The following TSPOAP1 variants were observed in gnomAD, a reference collection of about 807,000 sequenced individuals.
The protein encoded by TSPOAP1 is TSPO associated protein 1.
Under a neutral mutation model 197.0 loss-of-function variants are expected in TSPOAP1, and 87 were observed. The ratio of observed to expected loss-of-function variants is 0.44; its 90% CI spans 0.37 to 0.53. TSPOAP1 has a LOEUF of 0.53. TSPOAP1 is among the 20% of genes least tolerant of loss of function. The pLI, the probability that TSPOAP1 is intolerant of heterozygous loss-of-function variation, is 0.00. For missense variants in TSPOAP1, 2,174 were observed against 2,411.3 expected, an observed-to-expected ratio of 0.90 and a Z score of 2.06; for synonymous variants, 913 against 998.9, an observed-to-expected ratio of 0.91 and a Z score of 1.62.
At chr17:58,318,643 A>G (rs1393974652) in intron 13 of TSPOAP1, among the ~76,000 whole-genome samples, 191 bp from the exon 14 acceptor site, 1 of 152,214 alleles carries the variant, frequency 6.6e-6, no homozygotes, top group African/African-American at 2.4e-5. Context: ...CATGATCGTC[A>G]AAACAGCTTG....
At position 58,327,574 on chromosome 17, in the gene TSPOAP1, C is replaced by T; in HGVS notation, c.333+14G>A. On this transcript the variant is annotated intron_variant, in intron 1 of 31. Coordinates refer to ENST00000343736, the MANE Select transcript of TSPOAP1 (RefSeq NM_004758.4). Reference sequence around the variant, plus strand: ...CCCCACCTTGCAGACCCCAGCCCTCCACAGATCCCTTACCTTCAGGAAAGC... The same window carrying T: ...CCCCACCTTGCAGACCCCAGCCCTCTACAGATCCCTTACCTTCAGGAAAGC... 6.2e-7 allele frequency: 1 copy of T among 1,607,326 alleles called. No homozygotes were observed. Among genetic ancestry groups the T allele is most frequent in the East Asian group, 2.2e-5 (1 of 44,730 alleles).
chr17:58,307,204 A>G lies in TSPOAP1; in HGVS notation c.4984-236T>C, dbSNP rs145581704. On this transcript the variant is annotated intron_variant, in intron 24 of 31. Transcript: ENST00000343736. ...GGCCATGCCCTTTGCCCACCCCAGA[A>G]TGGATCTCCTTAGTCTCAGAGCAAT... Among the ~76,000 whole-genome samples, 237 of 152,338 alleles carry G rather than the reference A, an allele frequency of 1.6e-3. 1 individual carries two copies. Among genetic ancestry groups the G allele is most frequent in the African/African-American group, 5.3e-3 (221 of 41,574 alleles).
At chr17:58,321,834 C>T (rs1971413348) in intron 10 of TSPOAP1, among the ~76,000 whole-genome samples, 1 of 152,244 alleles carries the variant, frequency 6.6e-6, no homozygotes, top group South Asian at 2.1e-4. Context: ...CTTCTATCTA[C>T]TCACAGAGCA....
chr17:58,326,709 T>A lies in TSPOAP1; in HGVS notation c.415A>T (p.Ile139Phe). ...ALGELRQRCA[I>F]LKEENQMLRK... The stretch of plus-strand genomic sequence containing the variant: ...AGCATCTGGTTTTCCTCCTTAAGGA[T>A]GGCACAGCGCTGCCGCAGCTCCCCC... Residue 139 changes from isoleucine to phenylalanine, a missense_variant, in exon 2 of 32, where the codon ATC becomes TTC. Ile to Phe is a conservative substitution (Grantham distance 21). Around this residue, in one of 5 missense-constraint regions of TSPOAP1, gnomAD observed 1,933 missense variants for 2,139.0 expected, o/e 0.90. Coordinates refer to ENST00000343736, the MANE Select transcript of TSPOAP1 (RefSeq NM_004758.4). The surrounding 1 kb of genome is among the most constrained non-coding windows in gnomAD (Gnocchi z 4.7). The A allele has an allele frequency of 6.2e-7, 1 of 1,614,088 alleles. No individual in the cohort carries two copies. Among genetic ancestry groups the A allele is most frequent in the Non-Finnish European group, 8.5e-7 (1 of 1,180,008 alleles).
Position 58,310,049 on chromosome 17 carries a change from T to C in TSPOAP1, c.3809A>G (p.Glu1270Gly), listed in dbSNP as rs774281543. ...CCTGGAACCCAGCTCCTCTTCCTCC[T>C]CCTCCTCCTCCTCTTCCTCTTCCTC... ...IQEEEEEEEE[E>G]EEEELGSRTC... The change falls in exon 21 of 32, where the codon GAG (glutamate) becomes GGG (glycine). Residue 1270 changes from glutamate (E) to glycine (G), a missense_variant. This residue lies in a region of TSPOAP1 where 1,933 missense variants were observed against 2,139.0 expected (regional missense o/e 0.90). Coordinates refer to ENST00000343736, the MANE Select transcript of TSPOAP1 (RefSeq NM_004758.4). The C allele has an allele frequency of 1.7e-5, 28 of 1,613,474 alleles. No individual in the cohort carries two copies. In the African/African-American group the frequency reaches 3.3e-4, roughly 19 times the overall value.
At chr17:58,312,819 G>A (rs1567843894) in intron 16 of TSPOAP1, 97 bp from the exon 17 acceptor site, 2 of 868,420 alleles carry the variant, frequency 2.3e-6, no homozygotes, top group East Asian at 2.7e-5. Context: ...ACTGCTAGTG[G>A]GTGATCTTCA....
chr17:58,312,399 C>T lies in TSPOAP1; in HGVS notation c.2422G>A (p.Val808Met), dbSNP rs139375264. The T allele has an allele frequency of 5.3e-5, 86 of 1,612,580 alleles. No individual in the cohort carries two copies. The highest frequency in any genetic ancestry group is 7.0e-5 in the Non-Finnish European group (82 of 1,179,556). The change falls in exon 17 of 32, where the codon GTG (valine) becomes ATG (methionine). Residue 808 changes from valine to methionine, a missense_variant. Val to Met is a conservative substitution (Grantham distance 21, BLOSUM62 1). Coordinates refer to ENST00000343736, the MANE Select transcript of TSPOAP1 (RefSeq NM_004758.4). ...VVLKQLAHSV[V>M]LAWEPPPEQV... The stretch of plus-strand genomic sequence containing the variant: ...TCAGGAGGCGGCTCCCAGGCCAGCA[C>T]CACGCTGTGGGCCAGCTGCTTGAGG...
rs901444013 is a variant in TSPOAP1, at chr17:58,312,693, C to T, written c.2128G>A (p.Val710Ile). The T allele has an allele frequency of 5.6e-6, 9 of 1,613,452 alleles. No homozygotes were observed. In the East Asian group the frequency reaches 1.8e-4, roughly 32 times the overall value. Residue 710 changes from valine to isoleucine, a missense_variant, in exon 17 of 32, where the codon GTC (valine) becomes ATC (isoleucine). Physicochemically the swap from Val to Ile is conservative, Grantham distance 29. Coordinates refer to ENST00000343736, the MANE Select transcript of TSPOAP1 (RefSeq NM_004758.4). ...ACACGCTCTACAAAATTGGAAGGGA[C>T]CAGGCCCCTTCGGCCATCCATGAGC... is the stretch of plus-strand genomic sequence containing the variant. ...GELMDGRRGL[V>I]PSNFVERVSD...
intron 10 of TSPOAP1, among the ~76,000 whole-genome samples, 182 bp from the exon 11 acceptor site, chr17:58,320,763 C>G (rs557932788): frequency 6.6e-6 from 1 of 152,102 alleles, no homozygotes; most frequent in African/African-American, 2.4e-5. Flanking sequence ...GTTTCTCCCT[C>G]CTGAACACCC....
chr17:58,320,441 C>T (rs542160077), intron 11 of TSPOAP1, 90 bp downstream of exon 11: 19 of 1,380,610 alleles, frequency 1.4e-5, no homozygotes, highest in South Asian at 3.0e-5. Context: ...ACCCCTCTCC[C>T]CACCGCCATA....
Position 58,326,152 on chromosome 17 carries a change from G to A in TSPOAP1, c.570+141C>T. 1 of 1,375,746 alleles carries A rather than the reference G, an allele frequency of 7.3e-7. No individual in the cohort carries two copies. Among genetic ancestry groups the A allele is most frequent in the Non-Finnish European group, 9.7e-7 (1 of 1,025,686 alleles). 85.2% of individuals were successfully genotyped at this position (1,375,746 alleles called of 1,614,324 possible). On this transcript the variant is annotated intron_variant, in intron 3 of 31. Transcript: ENST00000343736. The surrounding 1 kb of genome is among the most constrained non-coding windows in gnomAD (Gnocchi z 4.7). The stretch of plus-strand genomic sequence containing the variant: ...TGCCTGGCCAGCCTCTGCCCTTCCT[G>A]CACCTTAGCCCCTAGATTCTTGCTT...
rs771266020 is a variant in TSPOAP1 at position 58,302,316 on chromosome 17, G to A, written c.*164C>T. ...GCCTCCTGAGGAGCTGCTTCCCCTT[G>A]GAGAAGAAACCCCACACCTTCTCGC... On this transcript the variant is annotated 3_prime_UTR_variant, in exon 32 of 32. Coordinates refer to ENST00000343736, the MANE Select transcript of TSPOAP1 (RefSeq NM_004758.4). 7.8e-7 allele frequency: 1 copy of A among 1,289,670 alleles called. No individual in the cohort carries two copies. 79.9% of individuals were successfully genotyped at this position (1,289,670 alleles called of 1,614,324 possible).
chr17:58,323,931 C>G (rs1455831080), intron 5 of TSPOAP1, among the ~76,000 whole-genome samples: 1 of 152,232 alleles, frequency 6.6e-6, no homozygotes, highest in African/African-American at 2.4e-5. Flanking sequence ...GCCTGGGCCC[C>G]CGGGGATGTG....
rs1970838266 is a variant in TSPOAP1, at chr17:58,305,085, G to A, written c.5520C>T (p.Pro1840=). 3.7e-6 allele frequency: 6 copies of A among 1,613,898 alleles called. No homozygotes were observed. Among genetic ancestry groups the A allele is most frequent in the Non-Finnish European group, 5.1e-6 (6 of 1,179,888 alleles). The stretch of plus-strand genomic sequence containing the variant: ...CCTGACTCTCAGCCTGGGGTGTCCT[G>A]GGTTCCCTGTCCAGGCCGCCTGCCT... ...GPEAGGLDRE[P]RTPQAESQRT... Residue 1840 remains proline (P), a synonymous_variant, in exon 30 of 32, where the codon CCC becomes CCT. Coordinates refer to ENST00000343736, the MANE Select transcript of TSPOAP1 (RefSeq NM_004758.4).
In TSPOAP1 at chr17:58,322,548, A is replaced by T; in HGVS notation, c.1317+106T>A. On this transcript the variant is annotated intron_variant, in intron 9 of 31. Coordinates refer to ENST00000343736, the MANE Select transcript of TSPOAP1 (RefSeq NM_004758.4). The surrounding 1 kb of genome is among the most constrained non-coding windows in gnomAD (Gnocchi z 5.0). Reference sequence around the variant, plus strand: ...AGGAAACTGAGCCTGGAGCAGCTCCAGGCCCAGGCCTCAGAGCTAGTGCCC... The same window carrying T: ...AGGAAACTGAGCCTGGAGCAGCTCCTGGCCCAGGCCTCAGAGCTAGTGCCC... The T allele has an allele frequency of 6.4e-7, 1 of 1,559,498 alleles. No individual in the cohort carries two copies. The highest frequency in any genetic ancestry group is 2.3e-5 in the East Asian group (1 of 44,354).
Position 58,307,677 on chromosome 17 carries a change from C to T in TSPOAP1, c.4917G>A (p.Val1639=). The part of the protein sequence containing the change: ...IFVALFDYDP[V]SMSPNPDAGE... ...CAGCATCAGGATTGGGCGACATTGACACGGGGTCATAGTCAAACAGAGCCA... is the reference window on the plus strand; with the variant it reads ...CAGCATCAGGATTGGGCGACATTGATACGGGGTCATAGTCAAACAGAGCCA... Residue 1639 remains valine (V), a synonymous_variant, in exon 24 of 32, where the codon GTG becomes GTA. Transcript: ENST00000343736. 1.2e-6 allele frequency: 2 copies of T among 1,614,174 alleles called. No homozygotes were observed. Among genetic ancestry groups the T allele is most frequent in the Non-Finnish European group, 1.7e-6 (2 of 1,180,046 alleles).
chr17:58,327,963 C>A lies in TSPOAP1; in HGVS notation c.-43G>T, dbSNP rs780060227. 4.0e-6 allele frequency: 6 copies of A among 1,509,296 alleles called. No homozygotes were observed. The highest frequency in any genetic ancestry group is 2.5e-5 in the South Asian group (2 of 80,866). The allele number at this position is 1,509,296 out of a possible 1,614,324, so 93.5% of individuals were successfully genotyped here. A position where few individuals can be genotyped will look rare whatever the true frequency, so the allele number is the denominator to read the frequency against. Reference sequence around the variant, plus strand: ...CCAGAACCCGGGCCGGGGGACATCACCCAGCCAGGTGGGGGGACTGGCGAG... The same window carrying A: ...CCAGAACCCGGGCCGGGGGACATCAACCAGCCAGGTGGGGGGACTGGCGAG... On this transcript the variant is annotated 5_prime_UTR_variant, in exon 1 of 32. Transcript: ENST00000343736.
chr17:58,312,230 C>A lies in TSPOAP1; in HGVS notation c.2591G>T (p.Ser864Ile). Residue 864 changes from serine (S) to isoleucine (I), a missense_variant, in exon 17 of 32, where the codon AGC (serine) becomes ATC (isoleucine). This residue lies in a region of TSPOAP1 where 1,933 missense variants were observed against 2,139.0 expected (regional missense o/e 0.90). Transcript: ENST00000343736. ...GCGCAGTGGGTCAGAGCTGCCCCGGCTAGTCAGGGCCTGGACAGAAATGTG... is the reference window on the plus strand; with the variant it reads ...GCGCAGTGGGTCAGAGCTGCCCCGGATAGTCAGGGCCTGGACAGAAATGTG... ...PLHISVQALT[S>I]RGSSDPLRCC... 6.2e-7 allele frequency: 1 copy of A among 1,612,804 alleles called. No homozygotes were observed. The highest frequency in any genetic ancestry group is 8.5e-7 in the Non-Finnish European group (1 of 1,179,874).
Position 58,312,448 on chromosome 17 carries a change from C to T in TSPOAP1, c.2373G>A (p.Val791=). 6.2e-7 allele frequency: 1 copy of T among 1,612,768 alleles called. No homozygotes were observed. Among genetic ancestry groups the T allele is most frequent in the Non-Finnish European group, 8.5e-7 (1 of 1,179,682 alleles). The change falls in exon 17 of 32, where the codon GTG becomes GTA. Residue 791 remains valine (V), a synonymous_variant. Coordinates refer to ENST00000343736, the MANE Select transcript of TSPOAP1 (RefSeq NM_004758.4). Reference sequence around the variant, plus strand: ...GGACCACCAGACGGCGGGGGTAAGGCACGGCAGGAGGCTCGCCCAGGCCCT... The same window carrying T: ...GGACCACCAGACGGCGGGGGTAAGGTACGGCAGGAGGCTCGCCCAGGCCCT... ...SPEGLGEPPA[V]PYPRRLVVLK...
Sources: allele counts gnomAD v4.1 joint callset (sites outside exome capture counted in the v4.1 genomes callset), GRCh38; gene constraint gnomAD v4.1.1; regional missense constraint gnomAD v4.1.1; non-coding constraint Gnocchi (gnomAD v3.1); transcripts MANE v1.5; gene names NCBI Gene and HGNC (gene_info 2026-07-23, HGNC 2026-07-21).